Variants in GART observed in about 807,000 individuals in gnomAD.
GART encodes trifunctional purine biosynthetic protein adenosine-3.
Under a neutral mutation model 107.2 loss-of-function variants are expected in GART, and 43 were observed. The observed-to-expected ratio is 0.40, with a 90% CI of 0.31 to 0.52. The LOEUF is 0.52. GART is among the 20% of genes least tolerant of loss of function. The probability of loss-of-function intolerance (pLI) is 0.52; values close to 1 mark genes in which losing one functional copy is unlikely to be tolerated. For synonymous variants in GART, 434 were observed against 427.0 expected, an observed-to-expected ratio of 1.02 and a Z score of -0.20; for missense variants, 1,107 against 1,206.5, an observed-to-expected ratio of 0.92 and a Z score of 1.22.
chr21:33,514,028 G>A (rs2084835099), intron 16 of GART, among the ~76,000 whole-genome samples: 1 of 152,192 alleles, frequency 6.6e-6, no homozygotes. Context: ...CGCTTTGGGA[G>A]GCTGAGATGG....
intron 16 of GART, among the ~76,000 whole-genome samples, chr21:33,516,542 C>T (rs1289240376): frequency 6.6e-6 from 1 of 152,200 alleles, no homozygotes; most frequent in East Asian, 1.9e-4. Context: ...AATGATGTTA[C>T]CGCCTACTCA....
Position 33,530,813 on chromosome 21 carries a change from C to G in GART, c.669G>C (p.Glu223Asp). 1.3e-6 allele frequency: 2 copies of G among 1,536,496 alleles called. No individual in the cohort carries two copies. Among genetic ancestry groups the G allele is most frequent in the African/African-American group, 1.4e-5 (1 of 69,772 alleles). The change falls in exon 7 of 22, where the codon GAG (glutamate) becomes GAC (aspartate). Residue 223 changes from glutamate (E) to aspartate (D), a missense_variant. Transcript: ENST00000381815. ...CCCCTGTGTTAGGGCCACCATCTCC[C>G]TCCAGTAATCGCTTATGGTCCTGTG... ...PPAQDHKRLL[E>D]GDGGPNTGGM... is the part of the protein sequence containing the mutation.
Position 33,539,167 on chromosome 21 carries a change from T to C in GART, c.145+4A>G. 1.2e-6 allele frequency: 2 copies of C among 1,610,142 alleles called. No homozygotes were observed. The highest frequency in any genetic ancestry group is 1.7e-6 in the Non-Finnish European group (2 of 1,178,464). Reference sequence around the variant, plus strand: ...TATTACTCCCCACTTTAAAACATGATTACCGGTATTTGAAATCTTTTCAGA... The same window carrying C: ...TATTACTCCCCACTTTAAAACATGACTACCGGTATTTGAAATCTTTTCAGA... On this transcript the variant is annotated splice_donor_region_variant and intron_variant, in intron 2 of 21. Coordinates refer to ENST00000381815, the MANE Select transcript of GART (RefSeq NM_000819.5).
chr21:33,509,531 G>A (rs948293627), intron 18 of GART: 45 of 343,968 alleles, frequency 1.3e-4, no homozygotes, highest in African/African-American at 8.8e-4. Flanking sequence ...GATACAAAAT[G>A]AGCTGTAGCT....
At chr21:33,527,063 A>C (rs2085087190) in intron 10 of GART, among the ~76,000 whole-genome samples, 1 of 152,198 alleles carries the variant, frequency 6.6e-6, no homozygotes, top group South Asian at 2.1e-4. Context: ...ATCTTAGGGA[A>C]ATTTTACCAA....
intron 2 of GART, among the ~76,000 whole-genome samples, chr21:33,537,020 G>C (rs2085319516): frequency 6.6e-6 from 1 of 152,208 alleles, no homozygotes. Context: ...GCAACTGCCT[G>C]AATGTGATTA....
At chr21:33,533,398 T>G (rs1046129866) in intron 4 of GART, among the ~76,000 whole-genome samples, 3 of 143,988 alleles carry the variant, frequency 2.1e-5, no homozygotes, top group Non-Finnish European at 4.5e-5. Context: ...GAGATAGAGA[T>G]AGCGCCACTG....
chr21:33,517,664 A>G, intron 14 of GART, 56 bp from the exon 15 acceptor site: 1 of 1,581,208 alleles, frequency 6.3e-7, no homozygotes, highest in Non-Finnish European at 8.7e-7. Context: ...CTGTCTAGGA[A>G]ACAGTGGCAC....
chr21:33,510,293 T>C (rs1270968887), intron 17 of GART: 1 of 165,512 alleles, frequency 6.0e-6, no homozygotes, highest in Non-Finnish European at 1.3e-5. Context: ...CAAAGCCATT[T>C]AAAGGCTTGA....
Position 33,525,013 on chromosome 21 carries a change from A to C in GART, c.1067-13T>G. The C allele has an allele frequency of 6.2e-7, 1 of 1,604,982 alleles. No homozygotes were observed. The highest frequency in any genetic ancestry group is 8.5e-7 in the Non-Finnish European group (1 of 1,175,870). On this transcript the variant is annotated splice_polypyrimidine_tract_variant and intron_variant, in intron 10 of 21. Coordinates refer to ENST00000381815, the MANE Select transcript of GART (RefSeq NM_000819.5). ...GCCTCAGGAAACCCTAGAAGAGAGC[A>C]TATTTGACATATGATTTCAAATAGC... is the stretch of plus-strand genomic sequence containing the variant.
intron 1 of GART, among the ~76,000 whole-genome samples, chr21:33,541,133 G>T (rs770935817): frequency 6.6e-6 from 1 of 152,094 alleles, no homozygotes; most frequent in African/African-American, 2.4e-5. Flanking sequence ...GAAATAAACA[G>T]ATTTTTTATT....
In GART at chr21:33,534,887, T is replaced by C. The variant is rs183990147; in HGVS notation, c.242-134A>G. 145 of 696,210 alleles carry C rather than the reference T, an allele frequency of 2.1e-4. No individual in the cohort carries two copies. In the East Asian group the frequency reaches 3.7e-3, roughly 18 times the overall value. 43.1% of individuals were successfully genotyped at this position (696,210 alleles called of 1,614,324 possible). On this transcript the variant is annotated intron_variant, in intron 3 of 21. Coordinates refer to ENST00000381815, the MANE Select transcript of GART (RefSeq NM_000819.5). ...CTGGTGGCAGAGGATAACTAACTTT[T>C]TCATGTTGTCTACTGGATAGAGATA... is the stretch of plus-strand genomic sequence containing the variant.
intron 13 of GART, 93 bp from the exon 14 acceptor site, chr21:33,520,655 AAAG>A: frequency 9.0e-7 from 1 of 1,114,090 alleles, no homozygotes; most frequent in South Asian, 1.5e-5. Flanking sequence ...CCTAAAAACA[AAAG>A]AACACGAAAT....
At chr21:33,518,660 G>C (rs540694469) in intron 14 of GART, 1 of 420,142 alleles carries the variant, frequency 2.4e-6, no homozygotes, top group East Asian at 6.2e-5. Flanking sequence ...TTCTTCTTCA[G>C]AAGTTGACTC....
chr21:33,509,620 A>C (rs1420737184), intron 18 of GART, 163 bp downstream of exon 18: 1 of 582,000 alleles, frequency 1.7e-6, no homozygotes. Flanking sequence ...CAAATTCCTA[A>C]GAAAAGTGGA....
At position 33,506,107 on chromosome 21, in the gene GART, G is replaced by T. The variant is rs1397871876; in HGVS notation, c.2453-3C>A. On this transcript the variant is annotated splice_region_variant and splice_polypyrimidine_tract_variant and intron_variant, in intron 18 of 21. Coordinates refer to ENST00000381815, the MANE Select transcript of GART (RefSeq NM_000819.5). ...TATAAGTGCTTGCAGGTTCGATCCT[G>T]AGAAGGGAGAAAAACAGCAGTGAGC... 1 of 1,611,420 alleles carries T rather than the reference G, an allele frequency of 6.2e-7. No individual in the cohort carries two copies. The highest frequency in any genetic ancestry group is 1.7e-4 in the Middle Eastern group (1 of 6,046).
At position 33,504,418 on chromosome 21, in the gene GART, A is replaced by C; in HGVS notation, c.2835T>G (p.Phe945Leu). 6.2e-7 allele frequency: 1 copy of C among 1,613,514 alleles called. No homozygotes were observed. The highest frequency in any genetic ancestry group is 8.5e-7 in the Non-Finnish European group (1 of 1,179,412). ...GVTVTGCTVH[F>L]VAEDVDAGQI... is the part of the protein sequence containing the mutation. ...TAGAAAAAGACATACTCACAGCTAC[A>C]AAGTGTACAGTGCACCCAGTAACTG... The change falls in exon 21 of 22, where the codon TTT becomes TTG. Residue 945 changes from phenylalanine (F) to leucine (L), a missense_variant. Transcript: ENST00000381815.
Position 33,530,749 on chromosome 21 carries a change from C to T in GART, c.723+10G>A, listed in dbSNP as rs770927714. 1.4e-5 allele frequency: 20 copies of T among 1,441,918 alleles called. No individual in the cohort carries two copies. Among genetic ancestry groups the T allele is most frequent in the South Asian group, 6.5e-5 (4 of 61,882 alleles). 89.3% of individuals were successfully genotyped at this position (1,441,918 alleles called of 1,614,324 possible). On this transcript the variant is annotated intron_variant, in intron 7 of 21. Transcript: ENST00000381815. ...TACTACAAGACTTCAGCAGAGTCTT[C>T]GGGAAGTACCTGAGGGGCTGGACAA...
intron 10 of GART, among the ~76,000 whole-genome samples, chr21:33,526,136 TG>T (rs2085069918): frequency 6.6e-6 from 1 of 151,878 alleles, no homozygotes; most frequent in African/African-American, 2.4e-5. Flanking sequence ...CCCAAAGTGC[TG>T]GGATTAGTCA....
Sources: allele counts gnomAD v4.1 joint callset (sites outside exome capture counted in the v4.1 genomes callset), GRCh38; gene constraint gnomAD v4.1.1; transcripts MANE v1.5; gene names NCBI Gene and HGNC (gene_info 2026-07-23, HGNC 2026-07-21).